TENM2: variants seen among roughly 807,000 people sequenced by gnomAD.
TENM2 encodes teneurin-2.
Under a neutral mutation model 245.2 loss-of-function variants are expected in TENM2, and 52 were observed. That is an observed-to-expected ratio of 0.21 (90% CI 0.17 to 0.27). The LOEUF is 0.27. TENM2 is among the 10% of genes least tolerant of loss of function. The pLI, the probability that TENM2 is intolerant of heterozygous loss-of-function variation, is 1.00. For synonymous variants in TENM2, 1,363 were observed against 1,438.9 expected (o/e 0.95, Z 1.19); for missense variants, 3,046 against 3,666.8 (o/e 0.83, Z 4.37).
At chr5:167,969,911 G>A (rs1019094416) in intron 4 of TENM2, among the ~76,000 whole-genome samples, 1 of 152,152 alleles carries the variant, frequency 6.6e-6, no homozygotes, top group African/African-American at 2.4e-5. Flanking sequence ...GTGCCCATGT[G>A]GGGGCCTCAT....
At chr5:168,162,496 C>A in intron 12 of TENM2, 115 bp from the exon 15 acceptor site, 1 of 1,165,748 alleles carries the variant, frequency 8.6e-7, no homozygotes, top group Non-Finnish European at 1.2e-6. Flanking sequence ...GCGGGCCCCA[C>A]TGTGAGGCTG....
chr5:167,515,531 A>C (rs1770267266), intron 2 of TENM2, among the ~76,000 whole-genome samples: 1 of 145,662 alleles, frequency 6.9e-6, no homozygotes, highest in Admixed American at 6.9e-5. Flanking sequence ...CCAAAGCAGA[A>C]GACTTCAGAG....
chr5:167,350,413 ATGTGTG>A (rs35747170), intron 1 of TENM2, among the ~76,000 whole-genome samples: 3,771 of 141,848 alleles, frequency 0.027, 146 homozygotes, highest in African/African-American at 0.09. Context: ...ATACATATAT[ATGTGTG>A]TGTGTGTGTG....
intron 2 of TENM2, among the ~76,000 whole-genome samples, chr5:167,807,150 AAAAAAAG>A (rs1332200505): frequency 1.3e-4 from 19 of 148,530 alleles, no homozygotes; most frequent in African/African-American, 4.5e-4. Flanking sequence ...AAAAAAAAAA[AAAAAAAG>A]AAGAAGAAGA....
At chr5:167,367,440 C>T (rs1265007149) in intron 1 of TENM2, among the ~76,000 whole-genome samples, 1 of 151,822 alleles carries the variant, frequency 6.6e-6, no homozygotes, top group Non-Finnish European at 1.5e-5. Flanking sequence ...TGTTTTAAGC[C>T]AGAGGATTTT....
intron 2 of TENM2, among the ~76,000 whole-genome samples, chr5:167,768,867 C>T (rs1421210162): frequency 6.6e-6 from 1 of 152,160 alleles, no homozygotes; most frequent in African/African-American, 2.4e-5. Context: ...AGCCTCTGTT[C>T]CCTGTAACTT....
intron 2 of TENM2, among the ~76,000 whole-genome samples, chr5:167,598,141 A>G (rs1326313816): frequency 1.3e-5 from 2 of 152,142 alleles, no homozygotes; most frequent in African/African-American, 2.4e-5. Flanking sequence ...TTAACTTTCC[A>G]TTTTTACTTT....
the TENM2 span, among the ~76,000 whole-genome samples, chr5:167,258,000 C>G: frequency 6.6e-6 from 1 of 151,390 alleles, no homozygotes; most frequent in Admixed American, 6.6e-5. Context: ...ATAGTGGGGA[C>G]GGGGGAGGAA....
chr5:167,909,425 A>C (rs1211050016), intron 3 of TENM2, among the ~76,000 whole-genome samples: 1 of 152,210 alleles, frequency 6.6e-6, no homozygotes, highest in African/African-American at 2.4e-5. Flanking sequence ...CCCTAAATCT[A>C]AAATAATAAT....
intron 5 of TENM2, among the ~76,000 whole-genome samples, chr5:168,039,858 C>T (rs903593848): frequency 1.3e-5 from 2 of 152,094 alleles, no homozygotes; most frequent in Non-Finnish European, 2.9e-5. Flanking sequence ...CAACAGCACC[C>T]ACCTGCAGTG....
intron 23 of TENM2, among the ~76,000 whole-genome samples, chr5:168,223,044 A>C (rs991501386): frequency 1.3e-5 from 2 of 152,200 alleles, no homozygotes; most frequent in African/African-American, 4.8e-5. Context: ...TCACTCCTAC[A>C]TGCAGTCATT....
chr5:167,335,659 A>T (rs1188586765), intron 1 of TENM2, among the ~76,000 whole-genome samples: 1 of 152,196 alleles, frequency 6.6e-6, no homozygotes, highest in East Asian at 1.9e-4. Context: ...AAGCTAAAAA[A>T]GTGACTTGTG....
intron 2 of TENM2, among the ~76,000 whole-genome samples, chr5:167,707,283 G>C (rs1009854138): frequency 6.6e-6 from 1 of 152,024 alleles, no homozygotes; most frequent in Non-Finnish European, 1.5e-5. Context: ...TTGTTTTGCT[G>C]TTGAGTAATA....
At chr5:168,161,812 A>G (rs1404737337) in intron 12 of TENM2, among the ~76,000 whole-genome samples, 2 of 125,778 alleles carry the variant, frequency 1.6e-5, no homozygotes, top group African/African-American at 3.8e-5. Context: ...ACGTGAGCGC[A>G]TGTATACACA....
chr5:168,241,733 T>C (rs150633832), intron 25 of TENM2, among the ~76,000 whole-genome samples: 4 of 152,284 alleles, frequency 2.6e-5, no homozygotes, highest in Non-Finnish European at 4.4e-5. Flanking sequence ...TTATGTAAGA[T>C]AGTTTCTATG....
intron 4 of TENM2, among the ~76,000 whole-genome samples, chr5:167,961,431 G>A (rs1015608325): frequency 6.6e-6 from 1 of 152,082 alleles, no homozygotes; most frequent in Non-Finnish European, 1.5e-5. Flanking sequence ...TTGTTAATTA[G>A]TCAGCCTATT....
chr5:167,928,918 A>AAG lies in TENM2; in HGVS notation c.713-23670_713-23669insAG, dbSNP rs1200143207. Among the ~76,000 whole-genome samples the AAG allele has an allele frequency of 1.8e-3, 248 of 136,250 alleles. 7 individuals are homozygous for AAG. The highest frequency in any genetic ancestry group is 6.7e-3 in the African/African-American group (235 of 35,084). 89.4% of individuals were successfully genotyped at this position (136,250 alleles called of 152,430 possible). A position where few individuals can be genotyped will look rare whatever the true frequency, so the allele number is the denominator to read the frequency against. ...CTCAAAAAAAAAAAAAAAAAAAAGA[A>AAG]GAAGAAAGAAGGAAAAAGAAAGAAA... On this transcript the variant is annotated intron_variant, in intron 3 of 28. Transcript: ENST00000518659.
chr5:168,225,634 G>A (rs1764100654), intron 23 of TENM2, among the ~76,000 whole-genome samples: 1 of 152,034 alleles, frequency 6.6e-6, no homozygotes, highest in Non-Finnish European at 1.5e-5. Context: ...CGTGGTGCAT[G>A]CCTGTAATCC....
intron 2 of TENM2, among the ~76,000 whole-genome samples, chr5:167,546,715 G>A (rs1239705756): frequency 1.3e-5 from 2 of 152,204 alleles, no homozygotes; most frequent in Admixed American, 6.5e-5. Flanking sequence ...AAAGGGGAGG[G>A]GATGCTCCGC....
Sources: allele counts gnomAD v4.1 joint callset (sites outside exome capture counted in the v4.1 genomes callset), GRCh38; gene constraint gnomAD v4.1.1; transcripts MANE v1.5; gene names NCBI Gene and HGNC (gene_info 2026-07-23, HGNC 2026-07-21).